The following STAU2 variants were observed in gnomAD, a reference collection of about 807,000 sequenced individuals.
STAU2 encodes staufen double-stranded RNA binding protein 2.
In STAU2, 20 loss-of-function variants were observed where a neutral mutation model predicts 65.9. That is an observed-to-expected ratio of 0.30 (90% confidence interval 0.21 to 0.44). The LOEUF is 0.44. Among genes scored for constraint, STAU2 ranks in the 20% least tolerant of loss-of-function variants. STAU2 has a pLI of 1.00. For missense variants in STAU2, 558 were observed against 683.9 expected, an observed-to-expected ratio of 0.82 and a Z score of 2.05; for synonymous variants, 232 against 233.9, an observed-to-expected ratio of 0.99 and a Z score of 0.07.
In STAU2 at chr8:73,739,812, TTC is replaced by T. The variant is rs1806711257; in HGVS notation, c.-142_-141del. 1 of 1,514,344 alleles carries T rather than the reference TTC, an allele frequency of 6.6e-7. No homozygotes were observed. Among genetic ancestry groups the T allele is most frequent in the Admixed American group, 2.0e-5 (1 of 50,482 alleles). 93.8% of individuals were successfully genotyped at this position (1,514,344 alleles called of 1,614,324 possible). A position where few individuals can be genotyped will look rare whatever the true frequency, so the allele number is the denominator to read the frequency against. The stretch of plus-strand genomic sequence containing the variant: ...ATCTTTGAGTTCTTCTTTTTCTGTC[TTC>T]TTTTTTTTCTTCAATCTTTAAAAAG... On this transcript the variant is annotated 5_prime_UTR_variant, in exon 2 of 15. Transcript: ENST00000524300.
In STAU2 at chr8:73,603,806, G is replaced by C. The variant is rs774194822; in HGVS notation, c.949C>G (p.Gln317Glu). Residue 317 changes from glutamine (Q) to glutamate (E), a missense_variant, in exon 10 of 15, where the codon CAG (glutamine) becomes GAG (glutamate). Gln to Glu is a conservative substitution (Grantham distance 29, BLOSUM62 2). This residue lies in a region of STAU2 where 199 missense variants were observed against 299.5 expected (regional missense o/e 0.66). Transcript: ENST00000524300. ...NPISRLAQIQ[Q>E]AKKEKEPDYV... ...TCCGGCTCCTTTTCCTTTTTGGCCT[G>C]TTGAATTTGCGCCAGGCGGCTAATA... 2.5e-6 allele frequency: 4 copies of C among 1,612,004 alleles called. No homozygotes were observed. In the South Asian group the frequency reaches 3.3e-5, roughly 13 times the overall value.
intron 12 of STAU2, among the ~76,000 whole-genome samples, chr8:73,569,833 G>A (rs1024852032): frequency 1.3e-5 from 2 of 152,146 alleles, no homozygotes; most frequent in African/African-American, 4.8e-5. Context: ...AAGACCAAAG[G>A]TAGATAAAAC....
chr8:73,593,338 T>C (rs1810957864), intron 11 of STAU2, among the ~76,000 whole-genome samples: 2 of 152,230 alleles, frequency 1.3e-5, no homozygotes, highest in Non-Finnish European at 2.9e-5. Flanking sequence ...CTACTTCGCA[T>C]AATAACAGTG....
chr8:73,687,387 T>TAA (rs1253395990), intron 5 of STAU2, among the ~76,000 whole-genome samples: 2 of 107,762 alleles, frequency 1.9e-5, no homozygotes, highest in Non-Finnish European at 3.9e-5. Context: ...TTTATATTTA[T>TAA]AAAAATAATA....
At chr8:73,530,227 C>T (rs1805722166) in intron 13 of STAU2, among the ~76,000 whole-genome samples, 1 of 152,176 alleles carries the variant, frequency 6.6e-6, no homozygotes, top group Admixed American at 6.5e-5. Context: ...GTTTAAGCCA[C>T]TGGGCTTTTT....
At chr8:73,426,325 T>G (rs1816822469) in intron 13 of STAU2, among the ~76,000 whole-genome samples, 2 of 152,240 alleles carry the variant, frequency 1.3e-5, no homozygotes, top group Non-Finnish European at 2.9e-5. Context: ...CATACAATAT[T>G]CTCCTTCTAG....
At chr8:73,464,707 T>TA (rs1018257853) in intron 13 of STAU2, among the ~76,000 whole-genome samples, 3 of 151,580 alleles carry the variant, frequency 2.0e-5, no homozygotes, top group African/African-American at 7.3e-5. Flanking sequence ...AAACAAAGTG[T>TA]AAAAAAAAGG....
At chr8:73,551,351 A>G (rs1807321206) in intron 13 of STAU2, 2 of 987,310 alleles carry the variant, frequency 2.0e-6, no homozygotes, top group Non-Finnish European at 2.4e-6. Flanking sequence ...TAGACTACCC[A>G]GTGAAACAGA....
chr8:73,676,684 C>T (rs956625030), intron 5 of STAU2, among the ~76,000 whole-genome samples: 2 of 152,254 alleles, frequency 1.3e-5, no homozygotes, highest in Non-Finnish European at 2.9e-5. Flanking sequence ...CAACCTCCGC[C>T]TCCCAGGTTC....
chr8:73,433,451 A>C (rs1817452705), intron 13 of STAU2, among the ~76,000 whole-genome samples: 3 of 145,962 alleles, frequency 2.1e-5, no homozygotes, highest in Admixed American at 6.8e-5. Flanking sequence ...TGATCCGCCC[A>C]CCTCGGCCTC....
chr8:73,604,215 T>C (rs1811847900), intron 9 of STAU2, among the ~76,000 whole-genome samples: 1 of 152,010 alleles, frequency 6.6e-6, no homozygotes, highest in African/African-American at 2.4e-5. Context: ...CTGCAACACA[T>C]TATCATTTTA....
chr8:73,421,072 T>C lies in STAU2; in HGVS notation c.*300A>G, dbSNP rs1816344435. The C allele has an allele frequency of 3.7e-6, 1 of 273,468 alleles. No individual in the cohort carries two copies. Among genetic ancestry groups the C allele is most frequent in the Non-Finnish European group, 6.8e-6 (1 of 146,756 alleles). The allele number at this position is 273,468 out of a possible 1,614,324, so 16.9% of individuals were successfully genotyped here. On this transcript the variant is annotated 3_prime_UTR_variant, in exon 15 of 15. Coordinates refer to ENST00000524300, the MANE Select transcript of STAU2 (RefSeq NM_001164380.2). Reference sequence around the variant, plus strand: ...TATTAATCATGTTAAAATTTTAGCTTTGTTTCTAACACTTTTCTTTACTTG... The same window carrying C: ...TATTAATCATGTTAAAATTTTAGCTCTGTTTCTAACACTTTTCTTTACTTG...
At chr8:73,740,772 G>C (rs909199050) in intron 1 of STAU2, among the ~76,000 whole-genome samples, 44 of 152,086 alleles carry the variant, frequency 2.9e-4, no homozygotes, top group Non-Finnish European at 5.0e-4. Flanking sequence ...AGGCCGAGGT[G>C]GGGGGATCAC....
intron 13 of STAU2, chr8:73,527,929 C>A: frequency 3.3e-6 from 1 of 304,020 alleles, no homozygotes; most frequent in South Asian, 6.7e-5. Flanking sequence ...CTTATTGAAC[C>A]CCTCCAATAT....
At chr8:73,425,619 A>ATCTCTCTATCTCTCTCTCTTC (rs1554588101) in intron 13 of STAU2, among the ~76,000 whole-genome samples, 1 of 149,946 alleles carries the variant, frequency 6.7e-6, no homozygotes, top group African/African-American at 2.4e-5. Context: ...GGATAGCAAA[A>ATCTCTCTATCTCTCTCTCTTC]TCTCTCTCTC....
At chr8:73,422,175 G>C (rs898162010) in intron 14 of STAU2, among the ~76,000 whole-genome samples, 2 of 152,170 alleles carry the variant, frequency 1.3e-5, no homozygotes, top group Admixed American at 6.5e-5. Flanking sequence ...AAAACCGAAT[G>C]CAGCCGAGGG....
At chr8:73,642,527 A>T (rs200172465) in intron 6 of STAU2, among the ~76,000 whole-genome samples, 2 of 76,904 alleles carry the variant, frequency 2.6e-5, no homozygotes, top group African/African-American at 6.2e-5. Flanking sequence ...GTCCAAAAAT[A>T]AAAAAAAAAA....
At chr8:73,598,104 A>G (rs1224896421) in intron 10 of STAU2, among the ~76,000 whole-genome samples, 1 of 152,268 alleles carries the variant, frequency 6.6e-6, no homozygotes, top group Admixed American at 6.5e-5. Context: ...AAAAAGAAAA[A>G]GATTCATGAC....
intron 3 of STAU2, among the ~76,000 whole-genome samples, chr8:73,732,291 T>C (rs1806123201): frequency 6.6e-6 from 1 of 152,040 alleles, no homozygotes. Flanking sequence ...AGGTTGGGGG[T>C]AGTGAGGGGA....
Sources: gnomAD v4.1 joint callset for allele counts (sites outside exome capture counted in the v4.1 genomes callset) on GRCh38, gnomAD v4.1.1 for gene constraint, gnomAD v4.1.1 regional missense constraint, MANE v1.5 for transcripts, NCBI Gene and HGNC (gene_info 2026-07-23, HGNC 2026-07-21) for gene names.